The following CCDC157 variants were observed in gnomAD, a reference collection of about 807,000 sequenced individuals.
The protein encoded by CCDC157 is coiled-coil domain containing 157.
Under a neutral mutation model 70.9 loss-of-function variants are expected in CCDC157, and 60 were observed. That is an observed-to-expected ratio of 0.85 (90% CI 0.69 to 1.05). CCDC157 has a LOEUF of 1.05. CCDC157 is among the 50% of genes least tolerant of loss of function. The pLI is 0.00. For missense variants in CCDC157, 943 were observed against 984.2 expected (o/e 0.96, Z 0.56); for synonymous variants, 373 against 422.4 (o/e 0.88, Z 1.43).
chr22:30,375,569 A>G lies in CCDC157; in HGVS notation c.1763A>G (p.Asn588Ser), dbSNP rs773633656. 1.2e-6 allele frequency: 2 copies of G among 1,614,082 alleles called. No homozygotes were observed. Among genetic ancestry groups the G allele is most frequent in the African/African-American group, 1.3e-5 (1 of 74,938 alleles). Reference protein sequence around the residue: ...TDHMERQVQSNDIRIRVLQEE... With the variant: ...TDHMERQVQSSDIRIRVLQEE... ...CACATGGAGAGGCAAGTGCAGTCCAACGACATCCGCATCCGGGTCCTACAG... is the reference window on the plus strand; with the variant it reads ...CACATGGAGAGGCAAGTGCAGTCCAGCGACATCCGCATCCGGGTCCTACAG... The change falls in exon 10 of 12, where the codon AAC becomes AGC. Residue 588 changes from asparagine to serine, a missense_variant. Transcript: ENST00000338306.
chr22:30,360,654 G>A (rs1236885655), intron 1 of CCDC157, among the ~76,000 whole-genome samples: 2 of 152,160 alleles, frequency 1.3e-5, no homozygotes, highest in Non-Finnish European at 2.9e-5. Flanking sequence ...GTTCATGCCT[G>A]TAATCCCAGC....
Position 30,376,825 on chromosome 22 carries a change from A to G in CCDC157, c.*80A>G, listed in dbSNP as rs1265278818. The G allele has an allele frequency of 3.6e-6, 5 of 1,390,374 alleles. No homozygotes were observed. The highest frequency in any genetic ancestry group is 4.2e-4 in the Middle Eastern group (2 of 4,744). 86.1% of individuals were successfully genotyped at this position (1,390,374 alleles called of 1,614,324 possible). A position where few individuals can be genotyped will look rare whatever the true frequency, so the allele number is the denominator to read the frequency against. ...AATAAAGCCCCAGCCATTGGCCCAC[A>G]GCAATCTTTGCCTCACAGTATGACT... On this transcript the variant is annotated 3_prime_UTR_variant, in exon 12 of 12. Coordinates refer to ENST00000338306, the MANE Select transcript of CCDC157 (RefSeq NM_001017437.5).
Position 30,370,685 on chromosome 22 carries a change from C to G in CCDC157, c.780C>G (p.Asp260Glu). Residue 260 changes from aspartate (D) to glutamate (E), a missense_variant, in exon 5 of 12, where the codon GAC becomes GAG. Coordinates refer to ENST00000338306, the MANE Select transcript of CCDC157 (RefSeq NM_001017437.5). Reference protein sequence around the residue: ...SLGQFQQLVQDSMGLRPLPAA... With the variant: ...SLGQFQQLVQESMGLRPLPAA... ...GCCAGTTCCAGCAACTGGTGCAGGACAGCATGGGGCTCAGGCCACTGCCGG... is the reference window on the plus strand; with the variant it reads ...GCCAGTTCCAGCAACTGGTGCAGGAGAGCATGGGGCTCAGGCCACTGCCGG... The G allele has an allele frequency of 6.2e-7, 1 of 1,613,638 alleles. No homozygotes were observed.
intron 3 of CCDC157, 126 bp downstream of exon 3, chr22:30,366,374 G>A (rs1427545402): frequency 1.7e-6 from 2 of 1,171,756 alleles, no homozygotes; most frequent in South Asian, 1.4e-5. Context: ...TTGAGTACCT[G>A]TCGGGGCCAC....
At chr22:30,367,470 C>T (rs1932774505) in intron 3 of CCDC157, among the ~76,000 whole-genome samples, 1 of 152,108 alleles carries the variant, frequency 6.6e-6, no homozygotes, top group Non-Finnish European at 1.5e-5. Context: ...AACTCCTGAC[C>T]TCAGGTGATC....
chr22:30,375,996 T>C, intron 10 of CCDC157: 1 of 545,278 alleles, frequency 1.8e-6, no homozygotes, highest in Non-Finnish European at 3.2e-6. Context: ...GAGACCAGCC[T>C]GGACAATATA....
intron 1 of CCDC157, among the ~76,000 whole-genome samples, chr22:30,357,649 C>T (rs1181617340): frequency 6.7e-6 from 1 of 150,132 alleles, no homozygotes; most frequent in Non-Finnish European, 1.5e-5. Flanking sequence ...GGACTACAGG[C>T]GCCCACCACA....
At chr22:30,376,186 C>T (rs930282844) in intron 10 of CCDC157, 73 bp from the exon 11 acceptor site, 12 of 1,405,496 alleles carry the variant, frequency 8.5e-6, no homozygotes, top group East Asian at 4.6e-5. Flanking sequence ...TCCCTGGCTA[C>T]GACACCCTCT....
chr22:30,374,252 G>A (rs547294963), intron 9 of CCDC157, 161 bp downstream of exon 9: 11 of 787,208 alleles, frequency 1.4e-5, no homozygotes, highest in African/African-American at 6.9e-5. Context: ...ACCACAGCAC[G>A]CAAGTGCTTC....
chr22:30,371,538 C>T (rs1011178554), intron 5 of CCDC157, 112 bp from the exon 6 acceptor site: 27 of 862,586 alleles, frequency 3.1e-5, no homozygotes, highest in East Asian at 7.6e-5. Flanking sequence ...TGGCCGCAGG[C>T]GGCCCCTCTG....
chr22:30,371,805 C>G (rs970576158), intron 6 of CCDC157, 78 bp downstream of exon 6: 12 of 1,289,118 alleles, frequency 9.3e-6, no homozygotes, highest in Non-Finnish European at 1.3e-5. Context: ...CCATCTCTGT[C>G]CCCTGAGCAT....
chr22:30,372,227 G>A lies in CCDC157; in HGVS notation c.1276G>A (p.Ala426Thr), dbSNP rs1178599494. The change falls in exon 7 of 12, where the codon GCC becomes ACC. Residue 426 changes from alanine to threonine, a missense_variant. Transcript: ENST00000338306. Reference sequence around the variant, plus strand: ...GGGCGCTGGCCAGCAGGTCTGCTGGGCCAGCACGGAGCTGGATAAGGAGAA... The same window carrying A: ...GGGCGCTGGCCAGCAGGTCTGCTGGACCAGCACGGAGCTGGATAAGGAGAA... ...LEGAGQQVCW[A>T]STELDKEKAR... 1 of 1,596,020 alleles carries A rather than the reference G, an allele frequency of 6.3e-7. No individual in the cohort carries two copies. Among genetic ancestry groups the A allele is most frequent in the Non-Finnish European group, 8.5e-7 (1 of 1,174,762 alleles).
chr22:30,368,371 C>G (rs1366735096), intron 3 of CCDC157, among the ~76,000 whole-genome samples: 1 of 152,232 alleles, frequency 6.6e-6, no homozygotes, highest in Non-Finnish European at 1.5e-5. Flanking sequence ...CTGACATGCC[C>G]TCTGCCCTAC....
At chr22:30,370,164 G>C (rs536923319) in intron 4 of CCDC157, 162 bp from the exon 5 acceptor site, 1 of 813,966 alleles carries the variant, frequency 1.2e-6, no homozygotes, top group Non-Finnish European at 2.0e-6. Context: ...GAGTAACAGA[G>C]GGAGAAAGTT....
At chr22:30,360,900 C>A (rs1290413571) in intron 1 of CCDC157, among the ~76,000 whole-genome samples, 1 of 151,848 alleles carries the variant, frequency 6.6e-6, no homozygotes, top group African/African-American at 2.4e-5. Flanking sequence ...TACAAAAATT[C>A]ACTGGGCATG....
chr22:30,375,143 G>C (rs1933257873), intron 9 of CCDC157: 2 of 298,684 alleles, frequency 6.7e-6, no homozygotes, highest in Non-Finnish European at 1.3e-5. Flanking sequence ...ATTTTTAGTA[G>C]AGACGGGGTT....
Position 30,373,615 on chromosome 22 carries a change from C to T in CCDC157, c.1354C>T (p.Arg452Ter), listed in dbSNP as rs1454252344. ...RHQESLQAKQ[R>*]ALLKQLDSLD... ...TGCTTAGTCTCTGCAGGCCAAGCAG[C>T]GAGCCCTGCTAAAGCAGCTGGACAG... is the stretch of plus-strand genomic sequence containing the variant. Residue 452 changes from arginine to a stop codon, truncating the protein, a stop_gained, in exon 8 of 12, where the codon CGA becomes TGA. Transcript: ENST00000338306. LOFTEE classifies it high-confidence loss of function. 4.5e-6 allele frequency: 7 copies of T among 1,555,186 alleles called. No individual in the cohort carries two copies. Among genetic ancestry groups the T allele is most frequent in the African/African-American group, 1.4e-5 (1 of 73,414 alleles).
chr22:30,370,117 C>T (rs937993168), intron 4 of CCDC157: 1 of 662,746 alleles, frequency 1.5e-6, no homozygotes, highest in Non-Finnish European at 2.7e-6. Context: ...GGGGTGCGGG[C>T]CGCAGAGAGG....
In CCDC157 at chr22:30,370,624, G is replaced by T. The variant is rs373895281; in HGVS notation, c.719G>T (p.Ser240Ile). ...CAGAAGGTGGGCAAGGTGGTCATCA[G>T]CCTGTGTCAGAGCCAGAACCTGCCC... ...SLQKVGKVVI[S>I]LCQSQNLPSS... The change falls in exon 5 of 12, where the codon AGC becomes ATC. Residue 240 changes from serine (S) to isoleucine (I), a missense_variant. Ser to Ile is a moderately radical substitution (Grantham distance 142). Transcript: ENST00000338306. 5.3e-5 allele frequency: 85 copies of T among 1,614,002 alleles called. No homozygotes were observed. The highest frequency in any genetic ancestry group is 6.7e-5 in the Admixed American group (4 of 60,008).
Sources: allele counts gnomAD v4.1 joint callset (sites outside exome capture counted in the v4.1 genomes callset), GRCh38; gene constraint gnomAD v4.1.1; transcripts MANE v1.5; gene names NCBI Gene and HGNC (gene_info 2026-07-23, HGNC 2026-07-21).